Variants in MATN2 observed in about 807,000 individuals in gnomAD.
MATN2 encodes the protein matrilin-2.
In MATN2, 69 loss-of-function variants were observed where a neutral mutation model predicts 103.2. That is an observed-to-expected ratio of 0.67 (90% confidence interval 0.55 to 0.82). The LOEUF is 0.82. MATN2 is among the 40% of genes least tolerant of loss of function. MATN2 has a pLI of 0.00. For synonymous variants in MATN2, 429 were observed against 450.2 expected, an observed-to-expected ratio of 0.95 and a Z score of 0.60; for missense variants, 1,023 against 1,211.5, an observed-to-expected ratio of 0.84 and a Z score of 2.31.
chr8:97,911,947 C>T (rs1809458949), intron 2 of MATN2, among the ~76,000 whole-genome samples: 1 of 152,178 alleles, frequency 6.6e-6, no homozygotes, highest in African/African-American at 2.4e-5. Flanking sequence ...CTCATTTTAT[C>T]CTCATGACAA....
chr8:98,015,919 G>A (rs1813343033), intron 10 of MATN2, among the ~76,000 whole-genome samples: 1 of 152,100 alleles, frequency 6.6e-6, no homozygotes, highest in African/African-American at 2.4e-5. Context: ...TTACCTAAGT[G>A]TAATATATAC....
intron 2 of MATN2, 136 bp downstream of exon 2, chr8:97,888,378 C>A: frequency 9.5e-7 from 1 of 1,056,048 alleles, no homozygotes; most frequent in Non-Finnish European, 1.3e-6. Context: ...CTGGGGTCCT[C>A]ACTGGTGGTG....
At chr8:97,910,614 A>T (rs1809382311) in intron 2 of MATN2, among the ~76,000 whole-genome samples, 1 of 152,228 alleles carries the variant, frequency 6.6e-6, no homozygotes, top group African/African-American at 2.4e-5. Context: ...TTAGCAAGGG[A>T]ACTTTCACGT....
At chr8:98,006,271 G>A (rs1472483250) in intron 8 of MATN2, among the ~76,000 whole-genome samples, 1 of 152,190 alleles carries the variant, frequency 6.6e-6, no homozygotes, top group African/African-American at 2.4e-5. Flanking sequence ...ATTTCATGGA[G>A]AATGACAACT....
chr8:97,882,496 G>A (rs1014199009), intron 1 of MATN2, among the ~76,000 whole-genome samples: 3 of 151,744 alleles, frequency 2.0e-5, no homozygotes, highest in Admixed American at 1.3e-4. Context: ...GGGCTCAAGC[G>A]ATTCTCCCAC....
At position 98,033,167 on chromosome 8, in the gene MATN2, A is replaced by C; in HGVS notation, c.2707A>C (p.Lys903Gln). ...RSTQKLSHST[K>Q]PSGSPLEEKH... ...TACACAAAAGCTTTCCCATTCAACAAAACCTTCAGGTAATTCCAAGTAAAA... is the reference window on the plus strand; with the variant it reads ...TACACAAAAGCTTTCCCATTCAACACAACCTTCAGGTAATTCCAAGTAAAA... Residue 903 changes from lysine (K) to glutamine (Q), a missense_variant, in exon 17 of 19, where the codon AAA (lysine) becomes CAA (glutamine). Coordinates refer to ENST00000254898, the MANE Select transcript of MATN2 (RefSeq NM_002380.5). The C allele has an allele frequency of 6.2e-7, 1 of 1,603,572 alleles. No individual in the cohort carries two copies. Among genetic ancestry groups the C allele is most frequent in the East Asian group, 2.2e-5 (1 of 44,756 alleles).
chr8:98,020,797 T>C (rs1813563358), intron 12 of MATN2, among the ~76,000 whole-genome samples: 1 of 152,238 alleles, frequency 6.6e-6, no homozygotes, highest in African/African-American at 2.4e-5. Flanking sequence ...TAATTATCCC[T>C]GTCTTCCTTG....
At chr8:97,942,787 T>C (rs1396886713) in intron 4 of MATN2, among the ~76,000 whole-genome samples, 1 of 152,208 alleles carries the variant, frequency 6.6e-6, no homozygotes, top group African/African-American at 2.4e-5. Context: ...TGGAAAGCAG[T>C]TTGCACAAAT....
rs1229770395 is a variant in MATN2, at chr8:97,891,923, G to T, written c.142+3681G>T. 2.0e-5 allele frequency among the ~76,000 whole-genome samples: 3 copies of T among 151,444 alleles called. No homozygotes were observed. In the East Asian group the frequency reaches 5.9e-4, roughly 30 times the overall value. On this transcript the variant is annotated intron_variant, in intron 2 of 18. Transcript: ENST00000254898. ...TTGAGACCAGTCTGGGCAACATAGG[G>T]ATACCTTGTCTCTACAAAAATAAAA...
chr8:97,909,893 C>A (rs1283242315), intron 2 of MATN2, among the ~76,000 whole-genome samples: 1 of 151,904 alleles, frequency 6.6e-6, no homozygotes, highest in South Asian at 2.1e-4. Context: ...AGGCCATTCT[C>A]CTGCCTCAGC....
At chr8:97,910,830 C>T (rs2130068831) in intron 2 of MATN2, among the ~76,000 whole-genome samples, 1 of 152,248 alleles carries the variant, frequency 6.6e-6, no homozygotes, top group East Asian at 1.9e-4. Flanking sequence ...AAAATGGGGA[C>T]AGTGGGTTGC....
At chr8:97,932,336 G>C (rs1320169661) in intron 3 of MATN2, among the ~76,000 whole-genome samples, 1 of 152,104 alleles carries the variant, frequency 6.6e-6, no homozygotes, top group Non-Finnish European at 1.5e-5. Flanking sequence ...CCATGGTGGT[G>C]CTGGCAGGGG....
intron 1 of MATN2, 97 bp downstream of exon 1, chr8:97,869,384 C>T (rs1817816705): frequency 6.6e-6 from 1 of 152,146 alleles, no homozygotes; most frequent in Non-Finnish European, 1.5e-5. Context: ...CTGGGCTGCC[C>T]GACGCGCAGG....
chr8:97,959,349 G>T (rs1332084001), intron 4 of MATN2, among the ~76,000 whole-genome samples: 1 of 152,166 alleles, frequency 6.6e-6, no homozygotes, highest in Non-Finnish European at 1.5e-5. Context: ...CATAGTATGC[G>T]CTCAAACCGT....
chr8:97,919,996 C>T (rs910289750), intron 2 of MATN2, among the ~76,000 whole-genome samples: 7 of 152,188 alleles, frequency 4.6e-5, no homozygotes, highest in African/African-American at 7.2e-5. Context: ...GCAGAGAGGG[C>T]GCTGTGTAGG....
chr8:97,969,014 G>A (rs961269289), intron 5 of MATN2, among the ~76,000 whole-genome samples: 12 of 152,344 alleles, frequency 7.9e-5, no homozygotes, highest in Admixed American at 5.2e-4. Flanking sequence ...CATGGCATTG[G>A]CCTCTGCTTC....
intron 5 of MATN2, among the ~76,000 whole-genome samples, chr8:97,977,849 T>C (rs769705775): frequency 6.6e-6 from 1 of 152,124 alleles, no homozygotes; most frequent in Non-Finnish European, 1.5e-5. Flanking sequence ...TTGCCCAAGA[T>C]ACCCTCTCCC....
intron 13 of MATN2, among the ~76,000 whole-genome samples, chr8:98,026,063 C>T (rs945437078): frequency 5.3e-5 from 8 of 151,362 alleles, no homozygotes; most frequent in South Asian, 4.2e-4. Context: ...CCTGTAATCC[C>T]GGCTACTTGG....
At chr8:98,003,461 G>T (rs1812851494) in intron 7 of MATN2, among the ~76,000 whole-genome samples, 200 bp from the exon 8 acceptor site, 1 of 152,196 alleles carries the variant, frequency 6.6e-6, no homozygotes, top group Non-Finnish European at 1.5e-5. Context: ...CTCCATCTCA[G>T]TCGTCATTAA....
Sources: gnomAD v4.1 joint callset for allele counts (sites outside exome capture counted in the v4.1 genomes callset) on GRCh38, gnomAD v4.1.1 for gene constraint, MANE v1.5 for transcripts, NCBI Gene and HGNC (gene_info 2026-07-23, HGNC 2026-07-21) for gene names.